OTUD7A: variants seen among roughly 807,000 people sequenced by gnomAD.
OTUD7A encodes OTU domain-containing protein 7A.
Under a neutral mutation model 65.7 loss-of-function variants are expected in OTUD7A, and 12 were observed. That is an observed-to-expected ratio of 0.18 (90% CI 0.12 to 0.30). The LOEUF (loss-of-function observed/expected upper bound fraction) is 0.30. Ranked by LOEUF, OTUD7A falls within the 10% of genes least tolerant of loss-of-function variation. The pLI is 1.00. For synonymous variants in OTUD7A, 641 were observed against 586.3 expected, an observed-to-expected ratio of 1.09 and a Z score of -1.35; for missense variants, 1,148 against 1,304.8, an observed-to-expected ratio of 0.88 and a Z score of 1.85.
At chr15:31,533,370 G>A (rs1277584489) in intron 5 of OTUD7A, among the ~76,000 whole-genome samples, 1 of 151,508 alleles carries the variant, frequency 6.6e-6, no homozygotes, top group Non-Finnish European at 1.5e-5. Context: ...CTAAGTAGCT[G>A]GGACACAGAC....
At chr15:31,810,605 G>T (rs1896392538) in intron 1 of OTUD7A, among the ~76,000 whole-genome samples, 1 of 152,144 alleles carries the variant, frequency 6.6e-6, no homozygotes, top group South Asian at 2.1e-4. Context: ...GGGATTTTCG[G>T]GCTCCAGAAT....
intron 8 of OTUD7A, among the ~76,000 whole-genome samples, chr15:31,520,410 C>A (rs994213587): frequency 2.6e-5 from 4 of 152,148 alleles, no homozygotes; most frequent in African/African-American, 9.7e-5. Flanking sequence ...CATTTTGCGT[C>A]ATTCACTATT....
chr15:31,493,290 A>T (rs2041343499), intron 10 of OTUD7A, among the ~76,000 whole-genome samples: 1 of 152,214 alleles, frequency 6.6e-6, no homozygotes, highest in African/African-American at 2.4e-5. Flanking sequence ...CCAAAGAAAA[A>T]GAGGAACATT....
chr15:31,661,857 T>A (rs1038142857), intron 1 of OTUD7A, among the ~76,000 whole-genome samples: 1 of 152,258 alleles, frequency 6.6e-6, no homozygotes, highest in South Asian at 2.1e-4. Flanking sequence ...TTGGTTGATA[T>A]GTCTTTTTTA....
At chr15:31,741,642 A>G (rs1314928614) in intron 1 of OTUD7A, among the ~76,000 whole-genome samples, 1 of 152,190 alleles carries the variant, frequency 6.6e-6, no homozygotes, top group African/African-American at 2.4e-5. Flanking sequence ...ACTAAATCAT[A>G]AAATATTTCA....
At chr15:31,569,618 G>A (rs780964124) in intron 4 of OTUD7A, among the ~76,000 whole-genome samples, 26 of 152,168 alleles carry the variant, frequency 1.7e-4, no homozygotes, top group Admixed American at 4.6e-4. Context: ...CTTTCATAAT[G>A]AAGAAAAAGG....
intron 5 of OTUD7A, among the ~76,000 whole-genome samples, chr15:31,537,480 G>T (rs1595593385): frequency 6.6e-6 from 1 of 152,206 alleles, no homozygotes; most frequent in Non-Finnish European, 1.5e-5. Flanking sequence ...AAAGCTAAAT[G>T]AGAAATGCAA....
chr15:31,775,703 G>C (rs574733775), intron 1 of OTUD7A, among the ~76,000 whole-genome samples: 1 of 152,144 alleles, frequency 6.6e-6, no homozygotes, highest in African/African-American at 2.4e-5. Flanking sequence ...TGTAGTTTAA[G>C]GGGAAAAGAT....
At chr15:31,681,591 C>T (rs986198934) in intron 1 of OTUD7A, among the ~76,000 whole-genome samples, 1 of 147,234 alleles carries the variant, frequency 6.8e-6, no homozygotes, top group Non-Finnish European at 1.5e-5. Context: ...GTCTATATAT[C>T]CCCCTCCCTC....
intron 1 of OTUD7A, among the ~76,000 whole-genome samples, chr15:31,861,574 C>T (rs752436154): frequency 3.3e-5 from 5 of 152,150 alleles, no homozygotes; most frequent in Admixed American, 1.3e-4. Context: ...GGTTGCATGC[C>T]GTGTCTGAGA....
At chr15:31,722,511 G>A (rs1465663805) in intron 1 of OTUD7A, among the ~76,000 whole-genome samples, 1 of 152,248 alleles carries the variant, frequency 6.6e-6, no homozygotes, top group Non-Finnish European at 1.5e-5. Flanking sequence ...CAGTTTCAAT[G>A]CACAGCCACG....
chr15:31,592,879 C>CAAAT (rs1453670641), intron 3 of OTUD7A, among the ~76,000 whole-genome samples: 1 of 8,540 alleles, frequency 1.2e-4, no homozygotes, highest in Non-Finnish European at 1.7e-4. Flanking sequence ...GGCTCTGTCT[C>CAAAT]AAAAAAAAAA....
At chr15:31,508,142 G>GT (rs1288214499) in intron 8 of OTUD7A, among the ~76,000 whole-genome samples, 8 of 152,044 alleles carry the variant, frequency 5.3e-5, no homozygotes, top group Non-Finnish European at 1.2e-4. Flanking sequence ...AGGAAAGGAA[G>GT]TAATAGAGAA....
intron 3 of OTUD7A, among the ~76,000 whole-genome samples, chr15:31,609,685 C>T (rs538167728): frequency 6.6e-6 from 1 of 152,264 alleles, no homozygotes. Context: ...TTCTAGGGTC[C>T]CACCCACTGC....
chr15:31,728,367 C>T (rs572928029), intron 1 of OTUD7A, among the ~76,000 whole-genome samples: 7 of 152,238 alleles, frequency 4.6e-5, no homozygotes, highest in Non-Finnish European at 1.0e-4. Flanking sequence ...CCCCTCATTC[C>T]TCCTCTCTGT....
intron 8 of OTUD7A, among the ~76,000 whole-genome samples, chr15:31,513,750 C>T (rs185130050): frequency 2.3e-4 from 35 of 152,344 alleles, no homozygotes; most frequent in Admixed American, 6.5e-4. Context: ...TGGACCACTC[C>T]TTAAGGTCAT....
chr15:31,693,244 C>G (rs1026880905), intron 1 of OTUD7A, among the ~76,000 whole-genome samples: 1 of 152,230 alleles, frequency 6.6e-6, no homozygotes, highest in Non-Finnish European at 1.5e-5. Flanking sequence ...AGAGGAGAGT[C>G]TCTTTTTTTT....
intron 5 of OTUD7A, among the ~76,000 whole-genome samples, chr15:31,555,752 T>C (rs1464253433): frequency 2.0e-5 from 3 of 151,908 alleles, no homozygotes; most frequent in Non-Finnish European, 2.9e-5. Context: ...AGATGGATGG[T>C]GGGCAGGGGT....
intron 5 of OTUD7A, among the ~76,000 whole-genome samples, chr15:31,545,085 T>C (rs1186548542): frequency 6.6e-6 from 1 of 152,040 alleles, no homozygotes; most frequent in Non-Finnish European, 1.5e-5. Context: ...GATTTAAACT[T>C]AATGATAAAG....
Sources: allele counts gnomAD v4.1 joint callset (sites outside exome capture counted in the v4.1 genomes callset), GRCh38; gene constraint gnomAD v4.1.1; transcripts MANE v1.5; gene names NCBI Gene and HGNC (gene_info 2026-07-23, HGNC 2026-07-21).